The following TRPV1 variants were observed in gnomAD, a reference collection of about 807,000 sequenced individuals.
The protein encoded by TRPV1 is transient receptor potential cation channel subfamily V member 1, also known as OTRPC1.
A neutral mutation model predicts 82.3 loss-of-function variants in TRPV1; 82 were observed. The observed-to-expected ratio is 1.00, with a 90% CI of 0.83 to 1.20. TRPV1 has a LOEUF of 1.20. Ranked by LOEUF, TRPV1 falls within the 50% of genes most tolerant of loss-of-function variation. TRPV1 has a pLI of 0.00. For synonymous variants in TRPV1, 515 were observed against 467.7 expected (o/e 1.10, Z -1.30); for missense variants, 1,067 against 1,096.8 (o/e 0.97, Z 0.38).
In TRPV1 at chr17:3,591,220, T is replaced by C. The variant is rs990802069; in HGVS notation, c.418A>G (p.Ser140Gly). 1 of 1,612,548 alleles carries C rather than the reference T, an allele frequency of 6.2e-7. No individual in the cohort carries two copies. Among genetic ancestry groups the C allele is most frequent in the African/African-American group, 1.3e-5 (1 of 74,996 alleles). The change falls in exon 4 of 17, where the codon AGC (serine) becomes GGC (glycine). Residue 140 changes from serine (S) to glycine (G), a missense_variant. Coordinates refer to ENST00000572705, the MANE Select transcript of TRPV1 (RefSeq NM_080704.4). ...TCGTTGTCTGTGAGGTGCTTCTTGC[T>C]CTTCTGCAGGAAGAGCAGCAGGCTC... ...LESLLLFLQK[S>G]KKHLTDNEFK...
chr17:3,592,790 GC>G (rs987585985), intron 2 of TRPV1: 5 of 175,434 alleles, frequency 2.9e-5, no homozygotes, highest in African/African-American at 1.2e-4. Context: ...GCTGTCGTGG[GC>G]TGAATTCAGG....
chr17:3,571,435 GGCAAGGCGTGGGGAACCT>G, intron 16 of TRPV1, 71 bp downstream of exon 16: 1 of 1,066,512 alleles, frequency 9.4e-7, no homozygotes, highest in Non-Finnish European at 1.4e-6. Context: ...TGAGGAACCC[GGCAAGGCGTGGGGAACCT>G]GCAAAGCTCC....
chr17:3,592,586 G>A (rs1287437431), intron 2 of TRPV1: 1 of 593,296 alleles, frequency 1.7e-6, no homozygotes, highest in African/African-American at 1.9e-5. Flanking sequence ...AGGCCTAGCA[G>A]GGCCCAGGCA....
chr17:3,577,836 CA>C, intron 11 of TRPV1, 73 bp from the exon 12 acceptor site: 2 of 1,451,692 alleles, frequency 1.4e-6, no homozygotes, highest in South Asian at 2.5e-5. Flanking sequence ...CAAAAGGTCA[CA>C]GGCCGCTCAG....
Position 3,577,918 on chromosome 17 carries a change from C to T in TRPV1, c.1548-155G>A, listed in dbSNP as rs41438645. Reference sequence around the variant, plus strand: ...TGACTCTTTCAGCCCAGGCGTTCTCCGTGGAAGCAGCATCGTCCCCAAGGA... The same window carrying T: ...TGACTCTTTCAGCCCAGGCGTTCTCTGTGGAAGCAGCATCGTCCCCAAGGA... On this transcript the variant is annotated intron_variant, in intron 11 of 16. Transcript: ENST00000572705. The T allele has an allele frequency of 2.9e-3, 1,908 of 662,224 alleles. 29 individuals are homozygous for T. The highest frequency in any genetic ancestry group is 0.027 in the African/African-American group (1,516 of 55,174). The allele number at this position is 662,224 out of a possible 1,614,324, so 41.0% of individuals were successfully genotyped here. A position where few individuals can be genotyped will look rare whatever the true frequency, so the allele number is the denominator to read the frequency against.
chr17:3,583,497 TC>T lies in TRPV1; in HGVS notation c.1384-68del. 4.6e-6 allele frequency: 6 copies of T among 1,297,080 alleles called. No individual in the cohort carries two copies. In the South Asian group the frequency reaches 7.7e-5, roughly 17 times the overall value. 80.3% of individuals were successfully genotyped at this position (1,297,080 alleles called of 1,614,324 possible). A position where few individuals can be genotyped will look rare whatever the true frequency, so the allele number is the denominator to read the frequency against. ...GTTCATTCAACAAACATGGACCAGG[TC>T]CATGAAGCCATAGTCCCTGCCCAGG... On this transcript the variant is annotated intron_variant, in intron 9 of 16. Transcript: ENST00000572705.
intron 2 of TRPV1, among the ~76,000 whole-genome samples, chr17:3,600,022 A>C (rs950052780): frequency 6.6e-6 from 1 of 152,116 alleles, no homozygotes; most frequent in African/African-American, 2.4e-5. Context: ...GCTTGCTTCC[A>C]CCTTTGGCCA....
At position 3,592,402 on chromosome 17, in the gene TRPV1, C is replaced by T. The variant is rs1416187299; in HGVS notation, c.-33-19G>A. ...GTGCAACCTGCAGCAGCCACCACGCCGGGGTTGACTCCCAAAGTAAGGACT... is the reference window on the plus strand; with the variant it reads ...GTGCAACCTGCAGCAGCCACCACGCTGGGGTTGACTCCCAAAGTAAGGACT... On this transcript the variant is annotated intron_variant, in intron 2 of 16. Coordinates refer to ENST00000572705, the MANE Select transcript of TRPV1 (RefSeq NM_080704.4). 2.8e-5 allele frequency: 43 copies of T among 1,528,212 alleles called. No individual in the cohort carries two copies. Among genetic ancestry groups the T allele is most frequent in the East Asian group, 4.8e-5 (2 of 41,470 alleles). 94.7% of individuals were successfully genotyped at this position (1,528,212 alleles called of 1,614,324 possible).
At chr17:3,574,417 C>T (rs1047830542) in intron 13 of TRPV1, among the ~76,000 whole-genome samples, 2 of 152,200 alleles carry the variant, frequency 1.3e-5, no homozygotes, top group Middle Eastern at 3.2e-3. Context: ...GTGGTTGCTG[C>T]CTATCAGTAT....
At chr17:3,582,773 C>T (rs894660436) in intron 10 of TRPV1, among the ~76,000 whole-genome samples, 4 of 151,912 alleles carry the variant, frequency 2.6e-5, no homozygotes, top group African/African-American at 9.7e-5. Flanking sequence ...GCCTGGCCAA[C>T]ATGGTGAAAC....
chr17:3,590,444 C>CG, intron 5 of TRPV1, 52 bp from the exon 6 acceptor site: 1 of 1,595,132 alleles, frequency 6.3e-7, no homozygotes, highest in Non-Finnish European at 8.5e-7. Context: ...GTGGGGCTGC[C>CG]GGGACAGGTG....
intron 16 of TRPV1, among the ~76,000 whole-genome samples, chr17:3,567,317 C>T (rs990446136): frequency 3.4e-5 from 5 of 146,896 alleles, no homozygotes; most frequent in African/African-American, 7.6e-5. Context: ...TGCAGTGAGC[C>T]GAGATCGTGC....
intron 13 of TRPV1, among the ~76,000 whole-genome samples, chr17:3,576,479 C>T (rs947474365): frequency 6.6e-6 from 1 of 151,356 alleles, no homozygotes; most frequent in Admixed American, 6.6e-5. Flanking sequence ...GGTGAAACCC[C>T]ATCTCTACTA....
At chr17:3,590,160 G>C in intron 6 of TRPV1, 55 bp from the exon 7 acceptor site, 2 of 1,585,456 alleles carry the variant, frequency 1.3e-6, no homozygotes, top group South Asian at 2.3e-5. Context: ...GCTGGCCCCT[G>C]AACCACCGGC....
At chr17:3,577,510 A>G in intron 12 of TRPV1, 88 bp downstream of exon 12, 2 of 1,451,918 alleles carry the variant, frequency 1.4e-6, no homozygotes, top group Non-Finnish European at 1.9e-6. Context: ...GGCACGACAG[A>G]GAGGATGGGC....
rs577539522 is a variant in TRPV1, at chr17:3,607,752, G to A, written c.-34+675C>T. 7.9e-5 allele frequency among the ~76,000 whole-genome samples: 12 copies of A among 151,972 alleles called. No individual in the cohort carries two copies. In the East Asian group the frequency reaches 2.2e-3, roughly 28 times the overall value. On this transcript the variant is annotated intron_variant, in intron 2 of 16. Transcript: ENST00000572705. ...AGTTTTCACCACGTTGGCCAGGTTGGTTTCAAACTCCTGATGTCAGGTGAT... is the reference window on the plus strand; with the variant it reads ...AGTTTTCACCACGTTGGCCAGGTTGATTTCAAACTCCTGATGTCAGGTGAT...
At chr17:3,587,324 G>A (rs1007953211) in intron 8 of TRPV1, among the ~76,000 whole-genome samples, 2 of 152,144 alleles carry the variant, frequency 1.3e-5, no homozygotes, top group Admixed American at 6.5e-5. Context: ...GTGAGATGTC[G>A]TGGAAGCCCC....
rs1285667843 is a variant in TRPV1 at position 3,567,401 on chromosome 17, GAAGA to G, written c.2348-418_2348-415del. Among the ~76,000 whole-genome samples, 68 of 145,812 alleles carry G rather than the reference GAAGA, an allele frequency of 4.7e-4. No homozygotes were observed. In the East Asian group the frequency reaches 0.011, roughly 23 times the overall value. On this transcript the variant is annotated intron_variant, in intron 16 of 16. Coordinates refer to ENST00000572705, the MANE Select transcript of TRPV1 (RefSeq NM_080704.4). ...AAAAAAAAAAAAAAAAGAAGAAGAA[GAAGA>G]AAGAAAGAAAGAAAAAACGAGGCCC...
chr17:3,582,207 A>AAAAAAAAAAAAAAAAAAAAAAC, intron 10 of TRPV1, among the ~76,000 whole-genome samples: 1 of 145,960 alleles, frequency 6.9e-6, no homozygotes, highest in Non-Finnish European at 1.5e-5. Flanking sequence ...AAAAAAAAAA[A>AAAAAAAAAAAAAAAAAAAAAAC]AAAAAAATCA....
Sources: gnomAD v4.1 joint callset for allele counts (sites outside exome capture counted in the v4.1 genomes callset) on GRCh38, gnomAD v4.1.1 for gene constraint, MANE v1.5 for transcripts, NCBI Gene and HGNC (gene_info 2026-07-23, HGNC 2026-07-21) for gene names.